The following GPC6 variants were observed in gnomAD, a reference collection of about 807,000 sequenced individuals.
The protein encoded by GPC6 is glypican 6.
In GPC6, 14 loss-of-function variants were observed where a neutral mutation model predicts 55.2. The observed-to-expected ratio is 0.25, with a 90% CI of 0.17 to 0.40. The LOEUF is 0.40. Among genes scored for constraint, GPC6 ranks in the 10% least tolerant of loss-of-function variants. The pLI is 1.00. For synonymous variants in GPC6, 278 were observed against 259.6 expected (o/e 1.07, Z -0.68); for missense variants, 641 against 708.5 (o/e 0.90, Z 1.08).
chr13:93,942,079 T>C (rs1389106019), intron 3 of GPC6, among the ~76,000 whole-genome samples: 3 of 152,192 alleles, frequency 2.0e-5, no homozygotes, highest in Non-Finnish European at 2.9e-5. Flanking sequence ...ATGCAATTTT[T>C]ACTACATAAG....
chr13:94,273,615 A>G (rs373215994), intron 4 of GPC6, among the ~76,000 whole-genome samples: 20 of 152,354 alleles, frequency 1.3e-4, no homozygotes, highest in African/African-American at 4.8e-4. Flanking sequence ...CAGGGTAAGC[A>G]TGTTGATGCT....
chr13:94,147,278 A>G (rs1251255357), intron 4 of GPC6, among the ~76,000 whole-genome samples: 1 of 152,078 alleles, frequency 6.6e-6, no homozygotes, highest in Admixed American at 6.6e-5. Flanking sequence ...TTGCACATAG[A>G]AAGATTTTGC....
chr13:94,245,718 G>A (rs908227906), intron 4 of GPC6, among the ~76,000 whole-genome samples: 1 of 152,028 alleles, frequency 6.6e-6, no homozygotes, highest in Non-Finnish European at 1.5e-5. Flanking sequence ...TAATATTTGT[G>A]TGTATGTGTG....
Position 93,349,234 on chromosome 13 carries a change from C to T in GPC6, c.160+121618C>T, listed in dbSNP as rs1452276484. Among the ~76,000 whole-genome samples the T allele has an allele frequency of 2.7e-5, 4 of 149,914 alleles. No individual in the cohort carries two copies. The East Asian group carries it at 6.2e-4, about 23-fold the overall frequency. On this transcript the variant is annotated intron_variant, in intron 1 of 8. Coordinates refer to ENST00000377047, the MANE Select transcript of GPC6 (RefSeq NM_005708.5). Reference sequence around the variant, plus strand: ...GCCAAAATTTAAGGAGTTTGTTGATCTTTGTAGTCTCCCAGAACATGTTAG... The same window carrying T: ...GCCAAAATTTAAGGAGTTTGTTGATTTTTGTAGTCTCCCAGAACATGTTAG...
chr13:93,359,508 G>T (rs1880972603), intron 1 of GPC6, among the ~76,000 whole-genome samples: 2 of 152,088 alleles, frequency 1.3e-5, no homozygotes, highest in African/African-American at 4.8e-5. Flanking sequence ...ATATGTATAT[G>T]TGTTTATAAT....
intron 3 of GPC6, among the ~76,000 whole-genome samples, chr13:93,892,558 G>A (rs769739649): frequency 1.3e-5 from 2 of 152,006 alleles, no homozygotes; most frequent in Non-Finnish European, 2.9e-5. Context: ...TTATTAATTA[G>A]CAGTAAAACA....
intron 3 of GPC6, among the ~76,000 whole-genome samples, chr13:93,848,281 C>A (rs1285623174): frequency 6.6e-6 from 1 of 152,040 alleles, no homozygotes; most frequent in African/African-American, 2.4e-5. Context: ...ACTCAGAAAC[C>A]CTCAAACTAT....
At chr13:93,724,106 A>G (rs1025533251) in intron 2 of GPC6, among the ~76,000 whole-genome samples, 3 of 151,982 alleles carry the variant, frequency 2.0e-5, no homozygotes, top group Non-Finnish European at 2.9e-5. Flanking sequence ...TTTTTACTAC[A>G]AGTAAATAAT....
chr13:93,618,323 G>C (rs539780688), intron 2 of GPC6, among the ~76,000 whole-genome samples: 10 of 151,984 alleles, frequency 6.6e-5, no homozygotes, highest in Non-Finnish European at 8.8e-5. Flanking sequence ...GAAAATGATA[G>C]GTTAGTAAAT....
intron 3 of GPC6, among the ~76,000 whole-genome samples, chr13:93,995,771 C>T (rs553397187): frequency 9.9e-5 from 15 of 152,190 alleles, no homozygotes; most frequent in Admixed American, 5.9e-4. Context: ...TATTCATAAA[C>T]CTCATAAAAA....
chr13:93,521,813 G>A (rs1469828570), intron 1 of GPC6, among the ~76,000 whole-genome samples: 1 of 151,888 alleles, frequency 6.6e-6, no homozygotes, highest in Non-Finnish European at 1.5e-5. Flanking sequence ...TGTATTTTCA[G>A]GTAGCTTTTA....
At position 94,328,198 on chromosome 13, in the gene GPC6, T is replaced by C. The variant is rs576586391; in HGVS notation, c.1152+22075T>C. On this transcript the variant is annotated intron_variant, in intron 6 of 8. Coordinates refer to ENST00000377047, the MANE Select transcript of GPC6 (RefSeq NM_005708.5). ...CCCAGGGCCACACTAAGTCAGCCAGTGGGGTACAGGGGACAGCAAATCTGT... is the reference window on the plus strand; with the variant it reads ...CCCAGGGCCACACTAAGTCAGCCAGCGGGGTACAGGGGACAGCAAATCTGT... 6.6e-5 allele frequency among the ~76,000 whole-genome samples: 10 copies of C among 152,238 alleles called. No homozygotes were observed. The East Asian group carries it at 1.7e-3, about 26-fold the overall frequency.
chr13:93,675,748 C>T (rs1881562219), intron 2 of GPC6, among the ~76,000 whole-genome samples: 1 of 152,038 alleles, frequency 6.6e-6, no homozygotes, highest in African/African-American at 2.4e-5. Flanking sequence ...TCACTTAGAA[C>T]ATATAAGAAT....
intron 3 of GPC6, among the ~76,000 whole-genome samples, chr13:93,884,786 T>C (rs1050437844): frequency 1.3e-5 from 2 of 152,110 alleles, no homozygotes; most frequent in Non-Finnish European, 2.9e-5. Context: ...AACAACACTT[T>C]CCATAGGGTT....
At chr13:94,146,279 C>T (rs1887560438) in intron 4 of GPC6, among the ~76,000 whole-genome samples, 2 of 151,764 alleles carry the variant, frequency 1.3e-5, no homozygotes, top group South Asian at 4.2e-4. Context: ...GACTTACACC[C>T]ACCAACCACT....
chr13:94,306,299 T>G (rs752297700), intron 6 of GPC6, 176 bp downstream of exon 6: 3 of 723,062 alleles, frequency 4.1e-6, no homozygotes, highest in Non-Finnish European at 7.4e-6. Context: ...GGGTCATGTA[T>G]TGGATTATTT....
intron 4 of GPC6, among the ~76,000 whole-genome samples, chr13:94,167,311 G>T (rs973798421): frequency 6.6e-6 from 1 of 152,178 alleles, no homozygotes; most frequent in Non-Finnish European, 1.5e-5. Flanking sequence ...GAGAGAGAGA[G>T]TGCAAGAGGG....
Position 93,725,613 on chromosome 13 carries a change from G to C in GPC6, c.320-104541G>C, listed in dbSNP as rs559092617. On this transcript the variant is annotated intron_variant, in intron 2 of 8. Coordinates refer to ENST00000377047, the MANE Select transcript of GPC6 (RefSeq NM_005708.5). ...GATTTGGTCAGTTCATCTTGATGCA[G>C]TTTACAGTTTATACAGCCCCAAGAC... 2.0e-5 allele frequency among the ~76,000 whole-genome samples: 3 copies of C among 152,124 alleles called. No homozygotes were observed. The East Asian group carries it at 5.8e-4, about 30-fold the overall frequency.
chr13:94,215,040 C>A (rs1372439552), intron 4 of GPC6, among the ~76,000 whole-genome samples: 1 of 152,192 alleles, frequency 6.6e-6, no homozygotes, highest in East Asian at 1.9e-4. Flanking sequence ...GTCAAGTGTT[C>A]TTTCTTCTCC....
Sources: allele counts gnomAD v4.1 joint callset (sites outside exome capture counted in the v4.1 genomes callset), GRCh38; gene constraint gnomAD v4.1.1; transcripts MANE v1.5; gene names NCBI Gene and HGNC (gene_info 2026-07-23, HGNC 2026-07-21).